VAV3: variants seen among roughly 807,000 people sequenced by gnomAD.
VAV3 encodes guanine nucleotide exchange factor VAV3.
Under a neutral mutation model 131.2 loss-of-function variants are expected in VAV3, and 94 were observed. That is an observed-to-expected ratio of 0.72 (90% CI 0.61 to 0.85). VAV3 has a LOEUF of 0.85. VAV3 is among the 40% of genes least tolerant of loss of function. VAV3 has a pLI of 0.00. For synonymous variants in VAV3, 349 were observed against 342.0 expected (o/e 1.02, Z -0.22); for missense variants, 939 against 1,002.7 (o/e 0.94, Z 0.86).
At chr1:107,714,203 G>A (rs1660954674) in intron 15 of VAV3, among the ~76,000 whole-genome samples, 1 of 152,044 alleles carries the variant, frequency 6.6e-6, no homozygotes, top group African/African-American at 2.4e-5. Flanking sequence ...TCTCCATATA[G>A]TCCCCAGCAC....
chr1:107,894,760 T>C (rs1671486631), intron 1 of VAV3, among the ~76,000 whole-genome samples: 1 of 152,212 alleles, frequency 6.6e-6, no homozygotes, highest in Non-Finnish European at 1.5e-5. Flanking sequence ...CACTATATGA[T>C]GCAATTATCA....
intron 21 of VAV3, among the ~76,000 whole-genome samples, chr1:107,614,658 T>C: frequency 6.6e-6 from 1 of 152,272 alleles, no homozygotes; most frequent in South Asian, 2.1e-4. Context: ...TCATTCAATA[T>C]GATTCTACAG....
chr1:107,752,117 A>G (rs1403533315), intron 12 of VAV3, among the ~76,000 whole-genome samples: 1 of 152,188 alleles, frequency 6.6e-6, no homozygotes, highest in Admixed American at 6.5e-5. Flanking sequence ...AATAATCAAA[A>G]TCATGCGGCA....
chr1:107,761,822 C>T (rs1315618312), intron 9 of VAV3, among the ~76,000 whole-genome samples: 2 of 152,106 alleles, frequency 1.3e-5, no homozygotes, highest in African/African-American at 4.8e-5. Flanking sequence ...ATTTACTGAA[C>T]TGAATGAAAT....
Position 107,875,016 on chromosome 1 carries a change from A to C in VAV3, c.206T>G (p.Phe69Cys). 6.2e-7 allele frequency: 1 copy of C among 1,612,080 alleles called. No homozygotes were observed. ...TGTCCTTATGTTCTTCAAACAGAGA[A>C]ACTGAGGAATGGAAAAGAGCTGTTA... ...EINLRPQMSQ[F>C]LCLKNIRTFL... Residue 69 changes from phenylalanine (F) to cysteine (C), a missense_variant and splice_region_variant, in exon 2 of 27, where the codon TTT becomes TGT. Coordinates refer to ENST00000370056, the MANE Select transcript of VAV3 (RefSeq NM_006113.5).
intron 1 of VAV3, among the ~76,000 whole-genome samples, chr1:107,948,570 G>A (rs1008766332): frequency 2.0e-5 from 3 of 152,316 alleles, no homozygotes; most frequent in East Asian, 1.9e-4. Flanking sequence ...CTGGCCAGGC[G>A]CAGTGGCTCA....
At chr1:107,855,796 C>T (rs1669441132) in intron 2 of VAV3, among the ~76,000 whole-genome samples, 1 of 152,150 alleles carries the variant, frequency 6.6e-6, no homozygotes, top group South Asian at 2.1e-4. Context: ...AAAGAGGACT[C>T]AAAGGCAAGA....
In VAV3 at chr1:107,740,286, CAA is replaced by C. The variant is rs11346449; in HGVS notation, c.1502+8680_1502+8681del. On this transcript the variant is annotated intron_variant, in intron 15 of 26. Coordinates refer to ENST00000370056, the MANE Select transcript of VAV3 (RefSeq NM_006113.5). Reference sequence around the variant, plus strand: ...TGGGCGACAGAGCAAGACTCCATCTCAAAAAAAAAAAAAAATGCTTCTTGTTG... The same window carrying C: ...TGGGCGACAGAGCAAGACTCCATCTCAAAAAAAAAAAAATGCTTCTTGTTG... Among the ~76,000 whole-genome samples the C allele has an allele frequency of 5.2e-3, 645 of 124,640 alleles. 11 individuals are homozygous for C. Among genetic ancestry groups the C allele is most frequent in the Middle Eastern group, 4.5e-3 (1 of 224 alleles). 81.8% of individuals were successfully genotyped at this position (124,640 alleles called of 152,430 possible). A position where few individuals can be genotyped will look rare whatever the true frequency, so the allele number is the denominator to read the frequency against.
intron 2 of VAV3, among the ~76,000 whole-genome samples, chr1:107,868,312 G>GA (rs1271935240): frequency 6.6e-6 from 1 of 152,118 alleles, no homozygotes; most frequent in African/African-American, 2.4e-5. Context: ...ATGTATATAT[G>GA]AAAAAATGTT....
At chr1:107,754,735 T>C (rs1363504754) in intron 12 of VAV3, among the ~76,000 whole-genome samples, 1 of 152,132 alleles carries the variant, frequency 6.6e-6, no homozygotes, top group Non-Finnish European at 1.5e-5. Context: ...TTCCAGCCAC[T>C]CTTACCTTTC....
intron 1 of VAV3, among the ~76,000 whole-genome samples, chr1:107,879,762 G>C (rs1449068589): frequency 1.3e-5 from 2 of 151,926 alleles, no homozygotes; most frequent in Non-Finnish European, 2.9e-5. Context: ...ATTTACATAA[G>C]TTAACTTAAC....
chr1:107,718,026 T>C (rs1477236280), intron 15 of VAV3, among the ~76,000 whole-genome samples: 1 of 152,170 alleles, frequency 6.6e-6, no homozygotes. Flanking sequence ...CTGTGTTGGT[T>C]GAAAGTCTGT....
intron 1 of VAV3, among the ~76,000 whole-genome samples, chr1:107,895,443 A>G (rs1262782821): frequency 6.6e-6 from 1 of 152,200 alleles, no homozygotes; most frequent in Non-Finnish European, 1.5e-5. Context: ...GTCAGACACT[A>G]TCCTAAGCAA....
At chr1:107,876,609 A>G (rs1233971344) in intron 1 of VAV3, among the ~76,000 whole-genome samples, 2 of 152,116 alleles carry the variant, frequency 1.3e-5, no homozygotes, top group African/African-American at 4.8e-5. Flanking sequence ...ACTCATCCAC[A>G]CTATAACAGG....
rs1401692094 is a variant in VAV3, at chr1:107,827,074, C to T, written c.322-47582G>A. Among the ~76,000 whole-genome samples, 5 of 151,842 alleles carry T rather than the reference C, an allele frequency of 3.3e-5. No homozygotes were observed. In the East Asian group the frequency reaches 9.7e-4, roughly 29 times the overall value. ...ATACTTTCTTTCATGTATTTTTTGTCTTCTCCACAAAATTTTAATATGCAT... is the reference window on the plus strand; with the variant it reads ...ATACTTTCTTTCATGTATTTTTTGTTTTCTCCACAAAATTTTAATATGCAT... On this transcript the variant is annotated intron_variant, in intron 2 of 26. Coordinates refer to ENST00000370056, the MANE Select transcript of VAV3 (RefSeq NM_006113.5).
Position 107,735,636 on chromosome 1 carries a change from A to T in VAV3, c.1502+13332T>A, listed in dbSNP as rs1651747634. 2.0e-5 allele frequency among the ~76,000 whole-genome samples: 3 copies of T among 151,982 alleles called. No individual in the cohort carries two copies. The South Asian group carries it at 6.2e-4, about 32-fold the overall frequency. On this transcript the variant is annotated intron_variant, in intron 15 of 26. Transcript: ENST00000370056. The stretch of plus-strand genomic sequence containing the variant: ...AATGGATAAATTCCTAGACACATAC[A>T]CTCTCCCAAGACTAAACTAGGAAGA...
chr1:107,839,710 C>A (rs1668611557), intron 2 of VAV3, among the ~76,000 whole-genome samples: 1 of 151,980 alleles, frequency 6.6e-6, no homozygotes, highest in South Asian at 2.1e-4. Flanking sequence ...AACAGGTAAA[C>A]AATAGGAGGA....
intron 2 of VAV3, among the ~76,000 whole-genome samples, chr1:107,857,799 C>T (rs553459734): frequency 6.6e-6 from 1 of 152,248 alleles, no homozygotes; most frequent in African/African-American, 2.4e-5. Flanking sequence ...TTTGCTGGGC[C>T]TCTTAAAGGT....
intron 15 of VAV3, among the ~76,000 whole-genome samples, chr1:107,728,636 T>C (rs149769439): frequency 0.011 from 1,408 of 128,090 alleles, 35 homozygotes; most frequent in African/African-American, 0.037. Context: ...TATATGTATA[T>C]GTATATGTAT....
Sources: allele counts gnomAD v4.1 joint callset (sites outside exome capture counted in the v4.1 genomes callset), GRCh38; gene constraint gnomAD v4.1.1; transcripts MANE v1.5; gene names NCBI Gene and HGNC (gene_info 2026-07-23, HGNC 2026-07-21).